ASPM: variants seen among roughly 807,000 people sequenced by gnomAD.
ASPM encodes the protein abnormal spindle-like microcephaly-associated protein.
Under a neutral mutation model 366.4 loss-of-function variants are expected in ASPM, and 256 were observed. The ratio of observed to expected loss-of-function variants is 0.70; its 90% CI spans 0.63 to 0.77. The LOEUF is 0.77. Ranked by LOEUF, ASPM falls within the 30% of genes least tolerant of loss-of-function variation. The probability of loss-of-function intolerance (pLI) is 0.00; values close to 1 mark genes in which losing one functional copy is unlikely to be tolerated. For missense variants in ASPM, 4,146 were observed against 4,090.4 expected (o/e 1.01, Z -0.37); for synonymous variants, 1,414 against 1,342.9 (o/e 1.05, Z -1.16).
chr1:197,114,037 A>G (rs1657668363), intron 17 of ASPM, among the ~76,000 whole-genome samples: 1 of 152,340 alleles, frequency 6.6e-6, no homozygotes, highest in East Asian at 1.9e-4. Context: ...GATAGTTGAA[A>G]TATATACAGG....
At position 197,101,635 on chromosome 1, in the gene ASPM, G is replaced by T. The variant is rs1011182483; in HGVS notation, c.7616C>A (p.Ala2539Asp). ...TCTTGCTTTCATTCCTTTATATGCA[G>T]CCTGAATAACCACAGCAGAATGCCA... ...RQWHSAVVIQAAYKGMKARQL... is the reference protein window; with the variant it reads ...RQWHSAVVIQDAYKGMKARQL... Residue 2539 changes from alanine (A) to aspartate (D), a missense_variant, in exon 18 of 28, where the codon GCT becomes GAT. Physicochemically the swap from Ala to Asp is moderately radical, Grantham distance 126. Coordinates refer to ENST00000367409, the MANE Select transcript of ASPM (RefSeq NM_018136.5). 3 of 1,611,554 alleles carry T rather than the reference G, an allele frequency of 1.9e-6. No individual in the cohort carries two copies. In the African/African-American group the frequency reaches 4.0e-5, roughly 22 times the overall value.
Position 197,101,312 on chromosome 1 carries a change from G to T in ASPM, c.7939C>A (p.Leu2647Ile), listed in dbSNP as rs3762271. 626,061 of 1,610,322 alleles carry T rather than the reference G, an allele frequency of 0.39. 129,579 individuals are homozygous for T. The highest frequency in any genetic ancestry group is 0.43 in the Non-Finnish European group (510,041 of 1,177,906). The change falls in exon 18 of 28, where the codon CTT becomes ATT. Residue 2647 changes from leucine to isoleucine, a missense_variant. This residue lies in a region of ASPM where 3,624 missense variants were observed against 3,591.7 expected (regional missense o/e 1.01). Transcript: ENST00000367409. ...AFKIRKHYLH[L>I]RATVVSIQRR... ...TGAATAGAAACTACTGTTGCTCTAA[G>T]GTGGAGATAATGCTTCCTTATTTTA...
At chr1:197,131,557 C>CTT (rs201682917) in intron 7 of ASPM, among the ~76,000 whole-genome samples, 22 of 144,512 alleles carry the variant, frequency 1.5e-4, no homozygotes, top group East Asian at 8.2e-4. Context: ...GGGCAAGTCA[C>CTT]TTTTTTTTTT....
chr1:197,115,446 G>A (rs1021064365), intron 17 of ASPM, among the ~76,000 whole-genome samples: 2 of 152,054 alleles, frequency 1.3e-5, no homozygotes, highest in African/African-American at 4.8e-5. Context: ...CTCCTCCTAC[G>A]AATCATGAAT....
At position 197,105,193 on chromosome 1, in the gene ASPM, A is replaced by G; in HGVS notation, c.4066-8T>C. 2.5e-6 allele frequency: 4 copies of G among 1,591,022 alleles called. No homozygotes were observed. Among genetic ancestry groups the G allele is most frequent in the Non-Finnish European group, 3.4e-6 (4 of 1,160,818 alleles). ...ATATCTTCTCCAATATCCCTGGAAAAGGTAAGAAAGGACACAAAGTAAAAT... is the reference window on the plus strand; with the variant it reads ...ATATCTTCTCCAATATCCCTGGAAAGGGTAAGAAAGGACACAAAGTAAAAT... On this transcript the variant is annotated splice_polypyrimidine_tract_variant and splice_region_variant and intron_variant, in intron 17 of 27. Transcript: ENST00000367409.
At chr1:197,097,226 A>G (rs888480929) in intron 18 of ASPM, among the ~76,000 whole-genome samples, 2 of 151,732 alleles carry the variant, frequency 1.3e-5, no homozygotes, top group Non-Finnish European at 2.9e-5. Context: ...GATAATCTCA[A>G]GTTGTAAAAC....
chr1:197,135,889 G>T (rs897692495), intron 4 of ASPM, among the ~76,000 whole-genome samples: 7 of 151,886 alleles, frequency 4.6e-5, no homozygotes, highest in Admixed American at 4.6e-4. Flanking sequence ...AGAGATGGAG[G>T]TCTCAGTGAG....
At position 197,102,985 on chromosome 1, in the gene ASPM, T is replaced by A; in HGVS notation, c.6266A>T (p.Glu2089Val). ...GIKITNHQHK[E>V]YLNLKKTAIK... ...TGCTGTCTTCTTCAAATTAAGATAC[T>A]CCTTATGCTGATGGTTTGTAATTTT... The change falls in exon 18 of 28, where the codon GAG becomes GTG. Residue 2089 changes from glutamate to valine, a missense_variant. By Grantham distance (121) the Glu-to-Val change is moderately radical. Transcript: ENST00000367409. The A allele has an allele frequency of 6.2e-7, 1 of 1,612,308 alleles. No individual in the cohort carries two copies. Among genetic ancestry groups the A allele is most frequent in the South Asian group, 1.1e-5 (1 of 91,032 alleles).
rs1329586407 is a variant in ASPM at position 197,104,498 on chromosome 1, T to A, written c.4753A>T (p.Thr1585Ser). The A allele has an allele frequency of 4.3e-6, 7 of 1,612,524 alleles. No individual in the cohort carries two copies. The highest frequency in any genetic ancestry group is 1.3e-5 in the African/African-American group (1 of 74,822). ...DRVRFLNLKK[T>S]IIKFQAHVRK... ...ACATGTGCCTGAAATTTGATAATAGTCTTCTTAAGGTTTAAAAATCGAACT... is the reference window on the plus strand; with the variant it reads ...ACATGTGCCTGAAATTTGATAATAGACTTCTTAAGGTTTAAAAATCGAACT... The change falls in exon 18 of 28, where the codon ACT becomes TCT. Residue 1585 changes from threonine (T) to serine (S), a missense_variant. This residue lies in a region of ASPM where 3,624 missense variants were observed against 3,591.7 expected (regional missense o/e 1.01). Transcript: ENST00000367409.
chr1:197,139,309 G>A, intron 4 of ASPM: 1 of 814,120 alleles, frequency 1.2e-6, no homozygotes, highest in Non-Finnish European at 2.0e-6. Context: ...AACAGCCCAT[G>A]TTTTTGGCCG....
chr1:197,108,400 CA>C (rs1657477349), intron 17 of ASPM, among the ~76,000 whole-genome samples: 1 of 151,814 alleles, frequency 6.6e-6, no homozygotes, highest in Admixed American at 6.6e-5. Flanking sequence ...AAAGACTGAG[CA>C]GAGACCAATG....
rs1207006854 is a variant in ASPM at position 197,104,342 on chromosome 1, T to C, written c.4909A>G (p.Ile1637Val). ...ASYQKTRSAVIVLQSAYRGMQ... is the reference protein window; with the variant it reads ...ASYQKTRSAVVVLQSAYRGMQ... ...CCTCTATATGCAGACTGCAGCACAA[T>C]GACAGCAGAGCGTGTTTTCTGGTAA... The change falls in exon 18 of 28, where the codon ATT becomes GTT. Residue 1637 changes from isoleucine (I) to valine (V), a missense_variant. By Grantham distance (29) the Ile-to-Val change is conservative (BLOSUM62 3). Transcript: ENST00000367409. 6.2e-7 allele frequency: 1 copy of C among 1,613,104 alleles called. No individual in the cohort carries two copies. The highest frequency in any genetic ancestry group is 8.5e-7 in the Non-Finnish European group (1 of 1,179,422).
chr1:197,097,929 C>T (rs1383116517), intron 18 of ASPM, among the ~76,000 whole-genome samples: 1 of 150,638 alleles, frequency 6.6e-6, no homozygotes, highest in Non-Finnish European at 1.5e-5. Context: ...TTTTGAGACC[C>T]ATTAAAACAA....
At position 197,122,275 on chromosome 1, in the gene ASPM, G is replaced by T. The variant is rs1657933811; in HGVS notation, c.3625C>A (p.Leu1209Ile). Residue 1209 changes from leucine (L) to isoleucine (I), a missense_variant, in exon 15 of 28, where the codon CTC becomes ATC. Transcript: ENST00000367409. ...AAATTTTTCTTTTCATTTTCTAGGA[G>T]CTCTTTGTATAGCTCTGAAGTATTT... ...HENTSELYKE[L>I]LENEKKNFHL... is the part of the protein sequence containing the mutation. 1 of 1,613,626 alleles carries T rather than the reference G, an allele frequency of 6.2e-7. No homozygotes were observed. Among genetic ancestry groups the T allele is most frequent in the African/African-American group, 1.3e-5 (1 of 75,024 alleles).
At position 197,103,213 on chromosome 1, in the gene ASPM, T is replaced by C. The variant is rs543514803; in HGVS notation, c.6038A>G (p.Gln2013Arg). ...YYRAYSIGRE[Q>R]NHLYLKTKAA... Reference sequence around the variant, plus strand: ...TTTTGTTTTCAAATATAAATGATTCTGTTCTCTTCCAATACTGTAAGCCCT... The same window carrying C: ...TTTTGTTTTCAAATATAAATGATTCCGTTCTCTTCCAATACTGTAAGCCCT... The change falls in exon 18 of 28, where the codon CAG (glutamine) becomes CGG (arginine). Residue 2013 changes from glutamine to arginine, a missense_variant. By Grantham distance (43) the Gln-to-Arg change is conservative. Transcript: ENST00000367409. The C allele has an allele frequency of 8.7e-6, 14 of 1,612,890 alleles. No individual in the cohort carries two copies. In the South Asian group the frequency reaches 1.1e-4, roughly 13 times the overall value.
rs140119882 is a variant in ASPM, at chr1:197,104,755, C to A, written c.4496G>T (p.Arg1499Leu). 8.0e-5 allele frequency: 128 copies of A among 1,600,296 alleles called. No individual in the cohort carries two copies. In the African/African-American group the frequency reaches 1.6e-3, roughly 20 times the overall value. The change falls in exon 18 of 28, where the codon CGG becomes CTG. Residue 1499 changes from arginine to leucine, a missense_variant. This residue lies in a region of ASPM where 3,624 missense variants were observed against 3,591.7 expected (regional missense o/e 1.01). Coordinates refer to ENST00000367409, the MANE Select transcript of ASPM (RefSeq NM_018136.5). ...SCVVIIQKRF[R>L]CFQAQKLYKR... ...ATATAACTTTTGGGCTTGAAAGCACCGAAATCTTTTCTGAATGATAACAAC... is the reference window on the plus strand; with the variant it reads ...ATATAACTTTTGGGCTTGAAAGCACAGAAATCTTTTCTGAATGATAACAAC...
rs914955112 is a variant in ASPM, at chr1:197,146,619, T to G, written c.-182A>C. On this transcript the variant is annotated 5_prime_UTR_variant, in exon 1 of 28. Coordinates refer to ENST00000367409, the MANE Select transcript of ASPM (RefSeq NM_018136.5). ...CCTAGAAAACAGAAAACAAGCCCAA[T>G]AAACTCGCAAATTAAAAAGAGGAGC... The G allele has an allele frequency of 1.5e-6, 1 of 659,108 alleles. No homozygotes were observed. The allele number at this position is 659,108 out of a possible 1,614,324, so 40.8% of individuals were successfully genotyped here.
chr1:197,125,026 T>A lies in ASPM; in HGVS notation c.3082+20A>T. 1 of 1,613,156 alleles carries A rather than the reference T, an allele frequency of 6.2e-7. No individual in the cohort carries two copies. The highest frequency in any genetic ancestry group is 8.5e-7 in the Non-Finnish European group (1 of 1,179,176). On this transcript the variant is annotated intron_variant, in intron 11 of 27. Coordinates refer to ENST00000367409, the MANE Select transcript of ASPM (RefSeq NM_018136.5). ...AATATTCAGTGAGGAGAATAAGTTT[T>A]ACCTCTACTCAGTTTTTACCATGCT...
At position 197,090,305 on chromosome 1, in the gene ASPM, A is replaced by C; in HGVS notation, c.9720T>G (p.Asn3240Lys). The C allele has an allele frequency of 6.2e-7, 1 of 1,612,928 alleles. No individual in the cohort carries two copies. The highest frequency in any genetic ancestry group is 8.5e-7 in the Non-Finnish European group (1 of 1,179,308). The change falls in exon 24 of 28, where the codon AAT becomes AAG. Residue 3240 changes from asparagine (N) to lysine (K), a missense_variant. Physicochemically the swap from Asn to Lys is moderately conservative, Grantham distance 94. Transcript: ENST00000367409. ...KAIRLSLQVV[N>K]REIREENKLY... ...GTTTGTTTTCTTCTCGAATCTCCCT[A>C]TTAACAACTTGAAGACTTAGTCGTA...
Sources: gnomAD v4.1 joint callset for allele counts (sites outside exome capture counted in the v4.1 genomes callset) on GRCh38, gnomAD v4.1.1 for gene constraint, gnomAD v4.1.1 regional missense constraint, MANE v1.5 for transcripts, NCBI Gene and HGNC (gene_info 2026-07-23, HGNC 2026-07-21) for gene names.